The following FOXK1 variants were observed in gnomAD, a reference collection of about 807,000 sequenced individuals.
The protein encoded by FOXK1 is forkhead box protein K1.
FOXK1 carries 19 observed loss-of-function variants against 51.9 expected under a neutral mutation model. The observed-to-expected ratio is 0.37, with a 90% CI of 0.26 to 0.54. The LOEUF (loss-of-function observed/expected upper bound fraction) is 0.54, where lower values mean the gene tolerates loss of function less well. FOXK1 is among the 20% of genes least tolerant of loss of function. The pLI is 0.87. For missense variants in FOXK1, 870 were observed against 1,032.7 expected (o/e 0.84, Z 2.16); for synonymous variants, 537 against 482.6 (o/e 1.11, Z -1.48).
Position 4,722,617 on chromosome 7 carries a change from A to G in FOXK1, c.561-18221A>G, listed in dbSNP as rs1425348176. Among the ~76,000 whole-genome samples, 1 of 152,184 alleles carries G rather than the reference A, an allele frequency of 6.6e-6. No individual in the cohort carries two copies. Among genetic ancestry groups the G allele is most frequent in the East Asian group, 1.9e-4 (1 of 5,188 alleles). On this transcript the variant is annotated intron_variant, in intron 1 of 8. Transcript: ENST00000328914. This position sits in a 1 kb window ranked among gnomAD's most constrained non-coding sequence, Gnocchi z 5.1. ...GGGCACACATGCACGTCAGCCGCAC[A>G]CTCATGCACGTTCATGTGCTGTCTC...
intron 7 of FOXK1, chr7:4,759,812 C>T: frequency 1.6e-6 from 1 of 618,758 alleles, no homozygotes; most frequent in Non-Finnish European, 2.7e-6. Context: ...GGGTGGATTA[C>T]TTGAGGTCCG....
chr7:4,710,993 C>G (rs1184364363), intron 1 of FOXK1, among the ~76,000 whole-genome samples: 2 of 152,194 alleles, frequency 1.3e-5, no homozygotes, highest in African/African-American at 4.8e-5. Flanking sequence ...TCTGGGAAGC[C>G]CCATCACGGT....
At position 4,730,391 on chromosome 7, in the gene FOXK1, T is replaced by C. The variant is rs1366083493; in HGVS notation, c.561-10447T>C. 6.6e-6 allele frequency among the ~76,000 whole-genome samples: 1 copy of C among 151,802 alleles called. No homozygotes were observed. Among genetic ancestry groups the C allele is most frequent in the Non-Finnish European group, 1.5e-5 (1 of 67,950 alleles). On this transcript the variant is annotated intron_variant, in intron 1 of 8. Transcript: ENST00000328914. The surrounding 1 kb of genome is among the most constrained non-coding windows in gnomAD (Gnocchi z 4.7). ...CTTGCCACCGCTGTCAGCCGTGGGG[T>C]TCAGGAGAACAGGGTTGTGGCATGG...
intron 1 of FOXK1, among the ~76,000 whole-genome samples, chr7:4,712,195 G>C (rs977258753): frequency 2.2e-4 from 33 of 151,974 alleles, no homozygotes; most frequent in African/African-American, 7.3e-4. Flanking sequence ...GCCTCCCTGG[G>C]GTGAGACGTT....
At chr7:4,685,502 G>A (rs968005402) in intron 1 of FOXK1, among the ~76,000 whole-genome samples, 2 of 150,866 alleles carry the variant, frequency 1.3e-5, no homozygotes, top group African/African-American at 4.9e-5. Flanking sequence ...GCATACAGGC[G>A]TGAGCCCCTG....
chr7:4,688,014 G>A (rs1779842470), intron 1 of FOXK1, among the ~76,000 whole-genome samples: 1 of 152,126 alleles, frequency 6.6e-6, no homozygotes, highest in Non-Finnish European at 1.5e-5. Flanking sequence ...TTACAGGCAT[G>A]AGCCACCATG....
At position 4,707,586 on chromosome 7, in the gene FOXK1, G is replaced by A. The variant is rs185752140; in HGVS notation, c.560+24718G>A. Reference sequence around the variant, plus strand: ...AATTGTCTCTTACGCCTTCCTTTCCGGGTTTTCCTGGAGAAGGCTGCCTCA... The same window carrying A: ...AATTGTCTCTTACGCCTTCCTTTCCAGGTTTTCCTGGAGAAGGCTGCCTCA... On this transcript the variant is annotated intron_variant, in intron 1 of 8. Coordinates refer to ENST00000328914, the MANE Select transcript of FOXK1 (RefSeq NM_001037165.2). This position sits in a 1 kb window ranked among gnomAD's most constrained non-coding sequence, Gnocchi z 4.1. Among the ~76,000 whole-genome samples the A allele has an allele frequency of 1.3e-5, 2 of 152,252 alleles. No homozygotes were observed. The highest frequency in any genetic ancestry group is 4.8e-5 in the African/African-American group (2 of 41,548).
rs1042296731 is a variant in FOXK1, at chr7:4,747,551, T to C, written c.746+6528T>C. ...TGATTTTGTTTTTGTTTGTTTGTTT[T>C]TTGGGACAGGGTCTCACTCTATTGC... On this transcript the variant is annotated intron_variant, in intron 2 of 8. Transcript: ENST00000328914. The surrounding 1 kb of genome is among the most constrained non-coding windows in gnomAD (Gnocchi z 9.2). 2.6e-5 allele frequency among the ~76,000 whole-genome samples: 4 copies of C among 152,226 alleles called. No homozygotes were observed. The highest frequency in any genetic ancestry group is 7.2e-5 in the African/African-American group (3 of 41,456).
chr7:4,751,857 C>T (rs748134284), intron 2 of FOXK1, among the ~76,000 whole-genome samples: 9 of 152,244 alleles, frequency 5.9e-5, no homozygotes, highest in Non-Finnish European at 1.0e-4. Context: ...CCTACTCTCT[C>T]GCCTGTGGGA....
rs1363548106 is a variant in FOXK1 at position 4,719,127 on chromosome 7, TTTTG to T, written c.561-21703_561-21700del. 6.3e-5 allele frequency among the ~76,000 whole-genome samples: 8 copies of T among 127,326 alleles called. No homozygotes were observed. In the South Asian group the frequency reaches 1.5e-3, roughly 24 times the overall value. 83.5% of individuals were successfully genotyped at this position (127,326 alleles called of 152,430 possible). Reference sequence around the variant, plus strand: ...CCCAACCTTGTTTTTTTTGTTTTTTTTTTGTTTGTTTTGTTTGTTTGTTTTTGAG... The same window carrying T: ...CCCAACCTTGTTTTTTTTGTTTTTTTTTTGTTTTGTTTGTTTGTTTTTGAG... On this transcript the variant is annotated intron_variant, in intron 1 of 8. Coordinates refer to ENST00000328914, the MANE Select transcript of FOXK1 (RefSeq NM_001037165.2).
chr7:4,727,148 C>T (rs1187404442), intron 1 of FOXK1, among the ~76,000 whole-genome samples: 5 of 151,818 alleles, frequency 3.3e-5, no homozygotes, highest in African/African-American at 4.8e-5. Flanking sequence ...GACGGGGTCT[C>T]ACTCTGTTGC....
chr7:4,732,912 C>T (rs1258378917), intron 1 of FOXK1, among the ~76,000 whole-genome samples: 4 of 152,214 alleles, frequency 2.6e-5, no homozygotes, highest in Non-Finnish European at 5.9e-5. Flanking sequence ...TTCTCTGTAC[C>T]TATTGTGAAT....
chr7:4,689,673 C>T (rs1322470666), intron 1 of FOXK1, among the ~76,000 whole-genome samples: 4 of 152,196 alleles, frequency 2.6e-5, no homozygotes, highest in African/African-American at 9.7e-5. Flanking sequence ...ATTAGTTATA[C>T]AATTAGTTAT....
At chr7:4,694,961 T>G (rs1779934748) in intron 1 of FOXK1, among the ~76,000 whole-genome samples, 1 of 152,244 alleles carries the variant, frequency 6.6e-6, no homozygotes, top group African/African-American at 2.4e-5. Flanking sequence ...ACCAAGAAGC[T>G]GTGGCTGGAA....
At position 4,745,618 on chromosome 7, in the gene FOXK1, C is replaced by G. The variant is rs1185813019; in HGVS notation, c.746+4595C>G. Reference sequence around the variant, plus strand: ...TCCTTTTTGCAAAGAAGGATTTTTACAGGCCAGGCGCCCGGTGGCTCAGGC... The same window carrying G: ...TCCTTTTTGCAAAGAAGGATTTTTAGAGGCCAGGCGCCCGGTGGCTCAGGC... On this transcript the variant is annotated intron_variant, in intron 2 of 8. Coordinates refer to ENST00000328914, the MANE Select transcript of FOXK1 (RefSeq NM_001037165.2). The surrounding 1 kb of genome is among the most constrained non-coding windows in gnomAD (Gnocchi z 4.3). Among the ~76,000 whole-genome samples the G allele has an allele frequency of 6.6e-6, 1 of 152,104 alleles. No individual in the cohort carries two copies. Among genetic ancestry groups the G allele is most frequent in the African/African-American group, 2.4e-5 (1 of 41,410 alleles).
intron 1 of FOXK1, among the ~76,000 whole-genome samples, chr7:4,716,388 C>T (rs1780235460): frequency 6.6e-6 from 1 of 152,128 alleles, no homozygotes; most frequent in Admixed American, 6.5e-5. Flanking sequence ...CACCCATAGC[C>T]CCAACTACTT....
chr7:4,699,471 G>A (rs759671295), intron 1 of FOXK1, among the ~76,000 whole-genome samples: 9 of 151,778 alleles, frequency 5.9e-5, no homozygotes, highest in African/African-American at 1.5e-4. Context: ...CAGGTCAAGC[G>A]ATTGTCCTGT....
chr7:4,682,340 G>A lies in FOXK1; in HGVS notation c.32G>A (p.Arg11His). 6 of 994,048 alleles carry A rather than the reference G, an allele frequency of 6.0e-6. No individual in the cohort carries two copies. Among genetic ancestry groups the A allele is most frequent in the South Asian group, 4.2e-5 (1 of 23,746 alleles). 61.6% of individuals were successfully genotyped at this position (994,048 alleles called of 1,614,324 possible). ...GAAGTCGGCGAGGACAGCGGCGCCC[G>A]CGCCCTGCTCGCGCTGCGCTCGGCG... MAEVGEDSGA[R>H]ALLALRSAPC... The change falls in exon 1 of 9, where the codon CGC becomes CAC. Residue 11 changes from arginine to histidine, a missense_variant. Arg to His is a conservative substitution (Grantham distance 29). Coordinates refer to ENST00000328914, the MANE Select transcript of FOXK1 (RefSeq NM_001037165.2). This position sits in a 1 kb window ranked among gnomAD's most constrained non-coding sequence, Gnocchi z 7.6.
In FOXK1 at chr7:4,762,539, G is replaced by T; in HGVS notation, c.*75G>T. The T allele has an allele frequency of 7.0e-7, 1 of 1,434,104 alleles. No homozygotes were observed. The highest frequency in any genetic ancestry group is 9.3e-7 in the Non-Finnish European group (1 of 1,072,346). 88.8% of individuals were successfully genotyped at this position (1,434,104 alleles called of 1,614,324 possible). A position where few individuals can be genotyped will look rare whatever the true frequency, so the allele number is the denominator to read the frequency against. ...GCTGGACCCGGCAGCTCAGGCGGCC[G>T]CACCCACAGACGGAGGAGAACAGCC... is the stretch of plus-strand genomic sequence containing the variant. On this transcript the variant is annotated 3_prime_UTR_variant, in exon 9 of 9. Coordinates refer to ENST00000328914, the MANE Select transcript of FOXK1 (RefSeq NM_001037165.2). This position sits in a 1 kb window ranked among gnomAD's most constrained non-coding sequence, Gnocchi z 5.7.
Sources: allele counts gnomAD v4.1 joint callset (sites outside exome capture counted in the v4.1 genomes callset), GRCh38; gene constraint gnomAD v4.1.1; non-coding constraint Gnocchi (gnomAD v3.1); transcripts MANE v1.5; gene names NCBI Gene and HGNC (gene_info 2026-07-23, HGNC 2026-07-21).